Variants in ITSN1 observed in about 807,000 individuals in gnomAD.
ITSN1 encodes intersectin-1.
In ITSN1, 58 loss-of-function variants were observed where a neutral mutation model predicts 239.8. The observed-to-expected ratio is 0.24, with a 90% CI of 0.20 to 0.30. ITSN1 has a LOEUF of 0.30. Among genes scored for constraint, ITSN1 ranks in the 10% least tolerant of loss-of-function variants. ITSN1 has a pLI of 1.00. For synonymous variants in ITSN1, 780 were observed against 770.8 expected, an observed-to-expected ratio of 1.01 and a Z score of -0.20; for missense variants, 1,558 against 2,103.3, an observed-to-expected ratio of 0.74 and a Z score of 5.07.
rs1569153060 is a variant in ITSN1, at chr21:33,774,988, A to G, written c.1476A>G (p.Leu492=). ...TCAAGAATGATAAAAAGCATCAACT[A>G]GAAGGGAAACTTCAAGATATCAGAT... The part of the protein sequence containing the change: ...LEALNDKKHQ[L]EGKLQDIRCR... The change falls in exon 14 of 40, where the codon CTA becomes CTG. Residue 492 remains leucine (L), a synonymous_variant. Transcript: ENST00000381318. 1 of 1,612,772 alleles carries G rather than the reference A, an allele frequency of 6.2e-7. No homozygotes were observed. The highest frequency in any genetic ancestry group is 1.3e-5 in the African/African-American group (1 of 74,888).
intron 31 of ITSN1, among the ~76,000 whole-genome samples, chr21:33,861,491 A>G (rs1980516486): frequency 1.3e-5 from 2 of 152,236 alleles, no homozygotes; most frequent in Non-Finnish European, 2.9e-5. Flanking sequence ...TGGACTTCCT[A>G]CTAATGATGC....
chr21:33,702,438 A>G (rs1343910452), intron 1 of ITSN1, among the ~76,000 whole-genome samples: 1 of 152,146 alleles, frequency 6.6e-6, no homozygotes, highest in African/African-American at 2.4e-5. Flanking sequence ...AAAATTTTCA[A>G]ACATTCAGGA....
chr21:33,885,574 C>G, intron 38 of ITSN1, 52 bp downstream of exon 38: 1 of 1,405,126 alleles, frequency 7.1e-7, no homozygotes. Flanking sequence ...GAGTAGGGTC[C>G]GGGTTCCCCA....
intron 14 of ITSN1, among the ~76,000 whole-genome samples, chr21:33,778,671 C>T (rs574071181): frequency 3.2e-4 from 46 of 142,968 alleles, no homozygotes; most frequent in Middle Eastern, 3.4e-3. Context: ...CTCCGCCTCC[C>T]GGGTTCACGC....
At chr21:33,689,574 G>A (rs1202286880) in intron 1 of ITSN1, among the ~76,000 whole-genome samples, 1 of 152,150 alleles carries the variant, frequency 6.6e-6, no homozygotes, top group Non-Finnish European at 1.5e-5. Flanking sequence ...TACCGTAGAG[G>A]CTAACATGGG....
chr21:33,799,709 T>G, intron 18 of ITSN1, 99 bp from the exon 19 acceptor site: 1 of 1,285,764 alleles, frequency 7.8e-7, no homozygotes, highest in South Asian at 1.4e-5. Context: ...GAGGTTAAGA[T>G]AGGCAATAGA....
Position 33,694,984 on chromosome 21 carries a change from G to GT in ITSN1, c.-32-23805dup, listed in dbSNP as rs952886417. Among the ~76,000 whole-genome samples the GT allele has an allele frequency of 1.3e-4, 20 of 152,050 alleles. No individual in the cohort carries two copies. In the East Asian group the frequency reaches 2.3e-3, roughly 18 times the overall value. On this transcript the variant is annotated intron_variant, in intron 1 of 39. Transcript: ENST00000381318. ...TCATGCCCAGCTGATTTCTGTATTT[G>GT]TTTTTTTTATTTGTAGAGATGAGGT...
At chr21:33,781,389 T>C (rs903397334) in intron 14 of ITSN1, 72 bp from the exon 15 acceptor site, 16 of 821,280 alleles carry the variant, frequency 1.9e-5, no homozygotes, top group Non-Finnish European at 3.3e-5. Flanking sequence ...TGACTTAAGC[T>C]CTGCCTGGAT....
chr21:33,775,009 C>T lies in ITSN1; in HGVS notation c.1497C>T (p.Ile499=), dbSNP rs768278140. Reference sequence around the variant, plus strand: ...AACTAGAAGGGAAACTTCAAGATATCAGATGTCGATTGACCACCCAAAGGC... The same window carrying T: ...AACTAGAAGGGAAACTTCAAGATATTAGATGTCGATTGACCACCCAAAGGC... The part of the protein sequence containing the change: ...KHQLEGKLQD[I]RCRLTTQRQE... The change falls in exon 14 of 40, where the codon ATC becomes ATT. Residue 499 remains isoleucine (I), a synonymous_variant. Coordinates refer to ENST00000381318, the MANE Select transcript of ITSN1 (RefSeq NM_003024.3). 3 of 1,613,692 alleles carry T rather than the reference C, an allele frequency of 1.9e-6. No individual in the cohort carries two copies. The highest frequency in any genetic ancestry group is 2.5e-6 in the Non-Finnish European group (3 of 1,179,708).
Position 33,774,810 on chromosome 21 carries a change from A to G in ITSN1, c.1387A>G (p.Lys463Glu). Residue 463 changes from lysine to glutamate, a missense_variant, in exon 13 of 40, where the codon AAA becomes GAA. Lys to Glu is a moderately conservative substitution (Grantham distance 56). Coordinates refer to ENST00000381318, the MANE Select transcript of ITSN1 (RefSeq NM_003024.3). ...RRQELLNQRN[K>E]EQEDIVVLKA... The stretch of plus-strand genomic sequence containing the variant: ...GCAAGAACTACTAAATCAAAGAAAC[A>G]AAGAACAAGAGGACATAGTTGTACT... 6.2e-7 allele frequency: 1 copy of G among 1,614,104 alleles called. No homozygotes were observed.
intron 1 of ITSN1, among the ~76,000 whole-genome samples, chr21:33,646,870 C>T (rs1362318559): frequency 6.6e-6 from 1 of 152,026 alleles, no homozygotes; most frequent in African/African-American, 2.4e-5. Context: ...TCTATAGTCC[C>T]AGCTACTTCG....
At chr21:33,805,026 C>T (rs1486887555) in intron 20 of ITSN1, among the ~76,000 whole-genome samples, 1 of 152,182 alleles carries the variant, frequency 6.6e-6, no homozygotes, top group African/African-American at 2.4e-5. Flanking sequence ...ATCCAGATTG[C>T]TGAGGGAGCT....
rs116779360 is a variant in ITSN1, at chr21:33,832,325, C to T, written c.3352-1982C>T. ...CTGAGCTCCAGCACTGGCCCCGTGC[C>T]GGCACCACTCTTTAGTATTTTATAT... On this transcript the variant is annotated intron_variant, in intron 27 of 39. Transcript: ENST00000381318. Among the ~76,000 whole-genome samples the T allele has an allele frequency of 1.5e-3, 221 of 152,310 alleles. 1 individual carries two copies. The highest frequency in any genetic ancestry group is 5.2e-3 in the African/African-American group (217 of 41,550).
In ITSN1 at chr21:33,735,108, C is replaced by T; in HGVS notation, c.250C>T (p.Leu84Phe). 6.2e-7 allele frequency: 1 copy of T among 1,613,862 alleles called. No individual in the cohort carries two copies. The highest frequency in any genetic ancestry group is 8.5e-7 in the Non-Finnish European group (1 of 1,179,844). Reference protein sequence around the residue: ...DQVEFSIAMKLIKLKLQGYQL... With the variant: ...DQVEFSIAMKFIKLKLQGYQL... ...AGTGGAGTTTTCCATAGCTATGAAA[C>T]TTATCAAACTGAAGCTACAAGGATA... The change falls in exon 5 of 40, where the codon CTT becomes TTT. Residue 84 changes from leucine to phenylalanine, a missense_variant. By Grantham distance (22) the Leu-to-Phe change is conservative. Transcript: ENST00000381318.
intron 29 of ITSN1, chr21:33,837,661 T>C: frequency 1.0e-6 from 1 of 985,914 alleles, no homozygotes; most frequent in Non-Finnish European, 1.2e-6. Flanking sequence ...TAATACATCC[T>C]GTACATAAGA....
At position 33,823,631 on chromosome 21, in the gene ITSN1, A is replaced by C; in HGVS notation, c.3161A>C (p.Tyr1054Ser). The stretch of plus-strand genomic sequence containing the variant: ...AAGGCCGGAGTCTTCCCTTCTAACT[A>C]TGTGAGGCTTAAAGATTCAGAGGTA... ...GDKAGVFPSNYVRLKDSEGSG... is the reference protein window; with the variant it reads ...GDKAGVFPSNSVRLKDSEGSG... Residue 1054 changes from tyrosine (Y) to serine (S), a missense_variant, in exon 25 of 40, where the codon TAT becomes TCT. Physicochemically the swap from Tyr to Ser is moderately radical, Grantham distance 144. This residue lies in a region of ITSN1 where 576 missense variants were observed against 893.3 expected (regional missense o/e 0.64). Transcript: ENST00000381318. The C allele has an allele frequency of 1.2e-6, 2 of 1,613,888 alleles. No homozygotes were observed. Among genetic ancestry groups the C allele is most frequent in the Non-Finnish European group, 1.7e-6 (2 of 1,179,950 alleles).
chr21:33,680,435 G>A (rs2090878795), intron 1 of ITSN1, among the ~76,000 whole-genome samples: 1 of 151,346 alleles, frequency 6.6e-6, no homozygotes, highest in South Asian at 2.1e-4. Flanking sequence ...GGGTTCAAGC[G>A]ATTCTCATGC....
Position 33,893,132 on chromosome 21 carries a change from G to A in ITSN1, c.*4832G>A, listed in dbSNP as rs533019687. The A allele has an allele frequency of 1.3e-5, 2 of 152,404 alleles. No individual in the cohort carries two copies. Among genetic ancestry groups the A allele is most frequent in the South Asian group, 4.1e-4 (2 of 4,828 alleles). The allele number at this position is 152,404 out of a possible 1,614,324, so 9.4% of individuals were successfully genotyped here. ...CCAGCCCGGTTTCTGATGAAGACGT[G>A]GCTCAGTCCCTGCTCTCCTTGTCGC... On this transcript the variant is annotated 3_prime_UTR_variant, in exon 40 of 40. Coordinates refer to ENST00000381318, the MANE Select transcript of ITSN1 (RefSeq NM_003024.3).
chr21:33,659,781 T>C, intron 1 of ITSN1, among the ~76,000 whole-genome samples: 1 of 143,796 alleles, frequency 7.0e-6, no homozygotes, highest in Non-Finnish European at 1.5e-5. Context: ...GAGATGATCA[T>C]TGATCATGGC....
Sources: gnomAD v4.1 joint callset for allele counts (sites outside exome capture counted in the v4.1 genomes callset) on GRCh38, gnomAD v4.1.1 for gene constraint, gnomAD v4.1.1 regional missense constraint, MANE v1.5 for transcripts, NCBI Gene and HGNC (gene_info 2026-07-23, HGNC 2026-07-21) for gene names.